Variants in SGPP2 observed in about 807,000 individuals in gnomAD.
SGPP2 encodes sphingosine-1-phosphate phosphatase 2.
Under a neutral mutation model 33.9 loss-of-function variants are expected in SGPP2, and 30 were observed. The observed-to-expected ratio is 0.89, with a 90% CI of 0.66 to 1.20. SGPP2 has a LOEUF of 1.20. Among genes scored for constraint, SGPP2 ranks in the 50% most tolerant of loss-of-function variants. The pLI, the probability that SGPP2 is intolerant of heterozygous loss-of-function variation, is 0.00. For missense variants in SGPP2, 458 were observed against 532.1 expected, an observed-to-expected ratio of 0.86 and a Z score of 1.37; for synonymous variants, 233 against 225.0, an observed-to-expected ratio of 1.04 and a Z score of -0.32.
At chr2:222,524,031 A>G (rs1232079038) in intron 3 of SGPP2, among the ~76,000 whole-genome samples, 1 of 152,226 alleles carries the variant, frequency 6.6e-6, no homozygotes, top group Non-Finnish European at 1.5e-5. Flanking sequence ...CCTCAGGCAG[A>G]TCATTTCACC....
chr2:222,551,218 T>C (rs892039299), intron 4 of SGPP2, among the ~76,000 whole-genome samples: 6 of 152,266 alleles, frequency 3.9e-5, no homozygotes, highest in South Asian at 2.1e-4. Flanking sequence ...CAGTTATCCC[T>C]ATTTTTTCCC....
At chr2:222,554,171 T>C (rs1038713665) in intron 4 of SGPP2, among the ~76,000 whole-genome samples, 17 of 152,250 alleles carry the variant, frequency 1.1e-4, no homozygotes, top group African/African-American at 3.1e-4. Flanking sequence ...TCCTTCCTGA[T>C]TGTACCCAGC....
chr2:222,481,847 G>A (rs1424783096), intron 2 of SGPP2, among the ~76,000 whole-genome samples: 1 of 152,116 alleles, frequency 6.6e-6, no homozygotes, highest in South Asian at 2.1e-4. Context: ...CCATTTGTAA[G>A]ATTTGTTTTT....
At chr2:222,462,767 T>G (rs1191693110) in intron 1 of SGPP2, among the ~76,000 whole-genome samples, 2 of 152,122 alleles carry the variant, frequency 1.3e-5, no homozygotes, top group East Asian at 3.9e-4. Context: ...TTATATAGTT[T>G]TGGAACTTCC....
chr2:222,547,656 G>T (rs1689224942), intron 4 of SGPP2, among the ~76,000 whole-genome samples: 1 of 151,924 alleles, frequency 6.6e-6, no homozygotes, highest in East Asian at 1.9e-4. Flanking sequence ...CATAATACCT[G>T]CCTTACTTAC....
At chr2:222,466,806 G>A (rs1406997479) in intron 1 of SGPP2, among the ~76,000 whole-genome samples, 1 of 152,172 alleles carries the variant, frequency 6.6e-6, no homozygotes, top group Non-Finnish European at 1.5e-5. Context: ...GGCAAGAAGT[G>A]CAGTAGCATA....
intron 4 of SGPP2, among the ~76,000 whole-genome samples, chr2:222,555,635 G>C (rs1394516098): frequency 6.6e-6 from 1 of 152,060 alleles, no homozygotes; most frequent in Non-Finnish European, 1.5e-5. Context: ...GTTGAAGCCA[G>C]GGAGCGATGT....
chr2:222,466,277 TAGA>T (rs1385386070), intron 1 of SGPP2, among the ~76,000 whole-genome samples: 14 of 147,508 alleles, frequency 9.5e-5, no homozygotes, highest in Admixed American at 2.7e-4. Context: ...TTTTTTTTTT[TAGA>T]CAGAGTCTCT....
intron 4 of SGPP2, among the ~76,000 whole-genome samples, chr2:222,545,662 T>G (rs1689177716): frequency 6.6e-6 from 1 of 152,222 alleles, no homozygotes; most frequent in African/African-American, 2.4e-5. Flanking sequence ...GCAAGATTTC[T>G]CTTAATCATT....
At chr2:222,521,697 T>A (rs1698687153) in intron 2 of SGPP2, 70 bp from the exon 3 acceptor site, 2 of 1,526,528 alleles carry the variant, frequency 1.3e-6, no homozygotes, top group African/African-American at 2.9e-5. Context: ...CCAAAATATA[T>A]CCATGACATT....
intron 2 of SGPP2, among the ~76,000 whole-genome samples, chr2:222,496,611 G>T (rs1698284494): frequency 1.3e-5 from 2 of 152,132 alleles, no homozygotes; most frequent in Non-Finnish European, 2.9e-5. Flanking sequence ...GTCTCTCACA[G>T]TCAGACTTCT....
intron 2 of SGPP2, among the ~76,000 whole-genome samples, chr2:222,484,361 A>AC (rs1698073323): frequency 6.6e-6 from 1 of 151,894 alleles, no homozygotes; most frequent in Admixed American, 6.6e-5. Flanking sequence ...TGTTCCCCTC[A>AC]CCCCCAGGAT....
chr2:222,441,986 A>C (rs904827621), intron 1 of SGPP2, among the ~76,000 whole-genome samples: 1 of 152,246 alleles, frequency 6.6e-6, no homozygotes, highest in South Asian at 2.1e-4. Flanking sequence ...ATGGAATTAC[A>C]GTATATCTTT....
At position 222,465,237 on chromosome 2, in the gene SGPP2, C is replaced by A. The variant is rs957900364; in HGVS notation, c.220-9331C>A. On this transcript the variant is annotated intron_variant, in intron 1 of 4. Transcript: ENST00000321276. This position sits in a 1 kb window ranked among gnomAD's most constrained non-coding sequence, Gnocchi z 4.1. ...CATCCTGAAATTTTAATCACCTGAG[C>A]GCTGCTTAGACATTGGCTAGATCAC... 6.6e-6 allele frequency among the ~76,000 whole-genome samples: 1 copy of A among 152,112 alleles called. No individual in the cohort carries two copies. The highest frequency in any genetic ancestry group is 6.6e-5 in the Admixed American group (1 of 15,260).
At chr2:222,493,644 T>C (rs1263214020) in intron 2 of SGPP2, among the ~76,000 whole-genome samples, 1 of 152,246 alleles carries the variant, frequency 6.6e-6, no homozygotes, top group Non-Finnish European at 1.5e-5. Flanking sequence ...CCTAAATGTA[T>C]TCTTAACTAA....
chr2:222,507,979 G>A (rs2106123026), intron 2 of SGPP2, among the ~76,000 whole-genome samples: 1 of 152,278 alleles, frequency 6.6e-6, no homozygotes, highest in South Asian at 2.1e-4. Flanking sequence ...TGATTTTCAT[G>A]TTTGAGTGTG....
intron 1 of SGPP2, among the ~76,000 whole-genome samples, chr2:222,430,011 CAGACTT>C (rs1410313222): frequency 6.6e-6 from 1 of 152,168 alleles, no homozygotes; most frequent in African/African-American, 2.4e-5. Context: ...GGACAGTCCT[CAGACTT>C]AGAGACATAA....
chr2:222,498,306 G>C (rs114787671), intron 2 of SGPP2: 35 of 152,268 alleles, frequency 2.3e-4, no homozygotes, highest in African/African-American at 7.9e-4. Flanking sequence ...CACTTCAGCA[G>C]CACATATACT....
At chr2:222,453,416 A>G (rs1697523016) in intron 1 of SGPP2, among the ~76,000 whole-genome samples, 1 of 152,198 alleles carries the variant, frequency 6.6e-6, no homozygotes, top group South Asian at 2.1e-4. Flanking sequence ...TGAAAGTATC[A>G]AGAAGTTGGG....
Sources: allele counts gnomAD v4.1 joint callset (sites outside exome capture counted in the v4.1 genomes callset), GRCh38; gene constraint gnomAD v4.1.1; non-coding constraint Gnocchi (gnomAD v3.1); transcripts MANE v1.5; gene names NCBI Gene and HGNC (gene_info 2026-07-23, HGNC 2026-07-21).